The following PTPN13 variants were observed in gnomAD, a reference collection of about 807,000 sequenced individuals.
The protein encoded by PTPN13 is protein tyrosine phosphatase non-receptor type 13.
A neutral mutation model predicts 284.0 loss-of-function variants in PTPN13; 191 were observed. The observed-to-expected ratio is 0.67, with a 90% confidence interval of 0.60 to 0.76. PTPN13 has a LOEUF of 0.76. PTPN13 is among the 30% of genes least tolerant of loss of function. The pLI is 0.00. For missense variants in PTPN13, 2,797 were observed against 2,939.9 expected, an observed-to-expected ratio of 0.95 and a Z score of 1.12; for synonymous variants, 986 against 1,022.3, an observed-to-expected ratio of 0.96 and a Z score of 0.68.
intron 3 of PTPN13, among the ~76,000 whole-genome samples, chr4:86,682,185 T>A (rs1161873623): frequency 6.6e-6 from 1 of 152,220 alleles, no homozygotes; most frequent in Non-Finnish European, 1.5e-5. Context: ...TATACATGCA[T>A]GTCATCTAGA....
chr4:86,617,088 T>C (rs944792107), intron 1 of PTPN13, among the ~76,000 whole-genome samples: 62 of 152,108 alleles, frequency 4.1e-4, no homozygotes, highest in African/African-American at 1.1e-3. Context: ...TAGACCTATA[T>C]TGAAGAGTCA....
rs1187254560 is a variant in PTPN13, at chr4:86,636,212, G to A, written c.115+841G>A. Reference sequence around the variant, plus strand: ...ATCTGGTAGAATAATATATGCATCCGTGTTACTCTAAATCAGAATGATATA... The same window carrying A: ...ATCTGGTAGAATAATATATGCATCCATGTTACTCTAAATCAGAATGATATA... On this transcript the variant is annotated intron_variant, in intron 2 of 47. Coordinates refer to ENST00000411767, the MANE Select transcript of PTPN13 (RefSeq NM_080683.3). Among the ~76,000 whole-genome samples the A allele has an allele frequency of 2.0e-5, 3 of 152,146 alleles. No homozygotes were observed. In the South Asian group the frequency reaches 6.2e-4, roughly 32 times the overall value.
intron 2 of PTPN13, among the ~76,000 whole-genome samples, chr4:86,638,585 T>G (rs1001011095): frequency 3.0e-4 from 46 of 152,208 alleles, no homozygotes; most frequent in Admixed American, 1.4e-3. Flanking sequence ...GGGAAACGAT[T>G]CGCTATTTAA....
intron 24 of PTPN13, among the ~76,000 whole-genome samples, 194 bp from the exon 25 acceptor site, chr4:86,764,399 C>T (rs934204992): frequency 6.6e-6 from 1 of 152,052 alleles, no homozygotes; most frequent in Non-Finnish European, 1.5e-5. Context: ...TGTTCTTTGA[C>T]TATACTCTAT....
chr4:86,813,044 GA>G (rs917409623), intron 47 of PTPN13, among the ~76,000 whole-genome samples: 7 of 152,102 alleles, frequency 4.6e-5, no homozygotes, highest in African/African-American at 1.7e-4. Flanking sequence ...AAGAGTCAAG[GA>G]TGAATGTGTG....
At position 86,775,520 on chromosome 4, in the gene PTPN13, C is replaced by G. The variant is rs1327080659; in HGVS notation, c.5759C>G (p.Ala1920Gly). ...ISDINPRSVA[A>G]IEGNLQLLDV... The stretch of plus-strand genomic sequence containing the variant: ...GATATTAATCCAAGGTCCGTCGCAG[C>G]CATTGAGGGTAATCTCCAGCTATTA... The change falls in exon 35 of 48, where the codon GCC becomes GGC. Residue 1920 changes from alanine to glycine, a missense_variant. By Grantham distance (60) the Ala-to-Gly change is moderately conservative (BLOSUM62 0). Coordinates refer to ENST00000411767, the MANE Select transcript of PTPN13 (RefSeq NM_080683.3). The G allele has an allele frequency of 6.2e-7, 1 of 1,612,588 alleles. No homozygotes were observed. Among genetic ancestry groups the G allele is most frequent in the Admixed American group, 1.7e-5 (1 of 59,968 alleles).
chr4:86,806,354 C>A (rs917895271), intron 44 of PTPN13, among the ~76,000 whole-genome samples: 1 of 151,766 alleles, frequency 6.6e-6, no homozygotes, highest in Non-Finnish European at 1.5e-5. Context: ...GACACACTGA[C>A]CCTATCTTTA....
At chr4:86,688,931 C>T in intron 4 of PTPN13, 74 bp from the exon 5 acceptor site, 1 of 1,225,172 alleles carries the variant, frequency 8.2e-7, no homozygotes, top group South Asian at 1.5e-5. Context: ...CCTGTGATTC[C>T]TAGAATGATT....
At chr4:86,596,798 C>CT (rs1205658156) in intron 1 of PTPN13, among the ~76,000 whole-genome samples, 2 of 152,082 alleles carry the variant, frequency 1.3e-5, no homozygotes, top group South Asian at 4.2e-4. Flanking sequence ...ACTATTACTT[C>CT]TTTTTTTTCC....
At position 86,799,148 on chromosome 4, in the gene PTPN13, C is replaced by T. The variant is rs762484687; in HGVS notation, c.6449C>T (p.Thr2150Ile). 1 of 1,595,296 alleles carries T rather than the reference C, an allele frequency of 6.3e-7. No individual in the cohort carries two copies. The highest frequency in any genetic ancestry group is 8.5e-7 in the Non-Finnish European group (1 of 1,171,708). The change falls in exon 42 of 48, where the codon ACA (threonine) becomes ATA (isoleucine). Residue 2150 changes from threonine (T) to isoleucine (I), a missense_variant. Transcript: ENST00000411767. The stretch of plus-strand genomic sequence containing the variant: ...AAGAAGACTGATGATGATGAAATAA[C>T]ATGGGGAAATGATGAGTTGCCAATA... ...QEKKTDDDEI[T>I]WGNDELPIER...
rs770180985 is a variant in PTPN13 at position 86,732,683 on chromosome 4, C to T, written c.1775C>T (p.Thr592Ile). 1.2e-5 allele frequency: 20 copies of T among 1,613,592 alleles called. No individual in the cohort carries two copies. The highest frequency in any genetic ancestry group is 1.7e-5 in the Non-Finnish European group (20 of 1,179,660). The change falls in exon 12 of 48, where the codon ACT becomes ATT. Residue 592 changes from threonine (T) to isoleucine (I), a missense_variant. Physicochemically the swap from Thr to Ile is moderately conservative, Grantham distance 89. Coordinates refer to ENST00000411767, the MANE Select transcript of PTPN13 (RefSeq NM_080683.3). ...QRLELTCDTK[T>I]ICKDVFDMVV... ...CTGGAACTGACCTGTGATACCAAAACTATATGTAAAGATGTGTTTGATATG... is the reference window on the plus strand; with the variant it reads ...CTGGAACTGACCTGTGATACCAAAATTATATGTAAAGATGTGTTTGATATG...
At chr4:86,791,327 A>G (rs1006079409) in intron 40 of PTPN13, among the ~76,000 whole-genome samples, 1 of 151,886 alleles carries the variant, frequency 6.6e-6, no homozygotes, top group Non-Finnish European at 1.5e-5. Context: ...AGTAGCTCAC[A>G]GTGTAAACAA....
At chr4:86,701,873 A>G (rs1731205521) in intron 7 of PTPN13, 72 bp downstream of exon 7, 3 of 1,378,420 alleles carry the variant, frequency 2.2e-6, no homozygotes, top group African/African-American at 2.9e-5. Context: ...AAGAAGGGTT[A>G]TTAAATTATT....
In PTPN13 at chr4:86,762,793, A is replaced by G. The variant is rs1738847725; in HGVS notation, c.3620A>G (p.Gln1207Arg). The G allele has an allele frequency of 3.1e-6, 5 of 1,612,606 alleles. No individual in the cohort carries two copies. The change falls in exon 24 of 48, where the codon CAA becomes CGA. Residue 1207 changes from glutamine to arginine, a missense_variant. Gln to Arg is a conservative substitution (Grantham distance 43, BLOSUM62 1). Coordinates refer to ENST00000411767, the MANE Select transcript of PTPN13 (RefSeq NM_080683.3). ...TACATGAAGAAATCTTCCTACATGC[A>G]AGACAGTGCTATAGATTCTTCTTCC... The part of the protein sequence containing the change: ...KNYMKKSSYM[Q>R]DSAIDSSSKD...
At chr4:86,733,325 A>G (rs2149132465) in intron 12 of PTPN13, among the ~76,000 whole-genome samples, 1 of 152,238 alleles carries the variant, frequency 6.6e-6, no homozygotes, top group East Asian at 1.9e-4. Context: ...TTGCCATAGC[A>G]GTAAGAAACT....
chr4:86,641,919 A>G (rs1723838350), intron 2 of PTPN13, among the ~76,000 whole-genome samples: 1 of 152,188 alleles, frequency 6.6e-6, no homozygotes, highest in Non-Finnish European at 1.5e-5. Flanking sequence ...CAATTTTTTT[A>G]AACTTTATTA....
intron 2 of PTPN13, among the ~76,000 whole-genome samples, chr4:86,666,773 T>G (rs1002966035): frequency 1.3e-5 from 2 of 152,142 alleles, no homozygotes; most frequent in Admixed American, 1.3e-4. Context: ...ACATAGCACG[T>G]GGTAAAGGGT....
intron 2 of PTPN13, among the ~76,000 whole-genome samples, chr4:86,637,665 T>C (rs1723190787): frequency 6.7e-6 from 1 of 150,302 alleles, no homozygotes; most frequent in South Asian, 2.2e-4. Context: ...AATTAGGTAT[T>C]GATGGGACAT....
chr4:86,722,404 A>G lies in PTPN13; in HGVS notation c.1578A>G (p.Leu526=), dbSNP rs1733774979. The change falls in exon 10 of 48, where the codon CTA becomes CTG. Residue 526 remains leucine, a synonymous_variant. Transcript: ENST00000411767. ...GGGATCCGTTAAGAGAAATTGCCCTAGAAACAGCCATGACTCAAAGAAAAC... is the reference window on the plus strand; with the variant it reads ...GGGATCCGTTAAGAGAAATTGCCCTGGAAACAGCCATGACTCAAAGAAAAC... ...ITRDPLREIA[L]ETAMTQRKLR... 1 of 1,613,640 alleles carries G rather than the reference A, an allele frequency of 6.2e-7. No homozygotes were observed. The highest frequency in any genetic ancestry group is 8.5e-7 in the Non-Finnish European group (1 of 1,179,622).
Sources: gnomAD v4.1 joint callset for allele counts (sites outside exome capture counted in the v4.1 genomes callset) on GRCh38, gnomAD v4.1.1 for gene constraint, MANE v1.5 for transcripts, NCBI Gene and HGNC (gene_info 2026-07-23, HGNC 2026-07-21) for gene names.